RGS21: variants seen among roughly 807,000 people sequenced by gnomAD.
RGS21 encodes regulator of G protein signaling 21.
A neutral mutation model predicts 18.7 loss-of-function variants in RGS21; 19 were observed. The ratio of observed to expected loss-of-function variants is 1.01; its 90% CI spans 0.71 to 1.49. The LOEUF is 1.49. Among genes scored for constraint, RGS21 ranks in the 40% most tolerant of loss-of-function variants. RGS21 has a pLI of 0.00. For missense variants in RGS21, 194 were observed against 176.8 expected (o/e 1.10, Z -0.55); for synonymous variants, 56 against 57.8 (o/e 0.97, Z 0.14).
Position 192,332,808 on chromosome 1 carries a change from G to C in RGS21, c.-60-10169G>C, listed in dbSNP as rs528804665. 1.9e-4 allele frequency among the ~76,000 whole-genome samples: 29 copies of C among 152,212 alleles called. No individual in the cohort carries two copies. In the East Asian group the frequency reaches 5.0e-3, roughly 26 times the overall value. Reference sequence around the variant, plus strand: ...TCACACCTGTAGTCCTAGCTACTCCGGCGGCTGAGGCAGGAAGATGGATTG... The same window carrying C: ...TCACACCTGTAGTCCTAGCTACTCCCGCGGCTGAGGCAGGAAGATGGATTG... On this transcript the variant is annotated intron_variant, in intron 1 of 4. Transcript: ENST00000417209.
At chr1:192,340,353 A>C (rs1362549427) in intron 1 of RGS21, among the ~76,000 whole-genome samples, 1 of 152,154 alleles carries the variant, frequency 6.6e-6, no homozygotes, top group Non-Finnish European at 1.5e-5. Flanking sequence ...CAATTTCACA[A>C]AATAACTTTG....
intron 4 of RGS21, among the ~76,000 whole-genome samples, chr1:192,354,715 A>G (rs1005548088): frequency 6.6e-6 from 1 of 151,706 alleles, no homozygotes; most frequent in African/African-American, 2.4e-5. Flanking sequence ...GACTCTTATA[A>G]AGAATCTAAA....
intron 1 of RGS21, among the ~76,000 whole-genome samples, chr1:192,323,092 A>C (rs1425384844): frequency 6.6e-6 from 1 of 152,142 alleles, no homozygotes; most frequent in Non-Finnish European, 1.5e-5. Context: ...GTGTTTTTAA[A>C]AGAGACTTCA....
At position 192,319,084 on chromosome 1, in the gene RGS21, T is replaced by C. The variant is rs554844634; in HGVS notation, c.-61+1979T>C. 1.6e-3 allele frequency among the ~76,000 whole-genome samples: 237 copies of C among 152,040 alleles called. 1 individual carries two copies. The highest frequency in any genetic ancestry group is 5.5e-3 in the African/African-American group (227 of 41,492). ...CTCTGCACCCCCATCTCTATAAAAA[T>C]AATTTAAAAATTAGCCTGGTGTGGT... On this transcript the variant is annotated intron_variant, in intron 1 of 4. Coordinates refer to ENST00000417209, the MANE Select transcript of RGS21 (RefSeq NM_001039152.3).
rs941638741 is a variant in RGS21 at position 192,338,105 on chromosome 1, G to A, written c.-60-4872G>A. ...CTAAGAACTATACATCCAAATGAGCGTTATATTTCCAAGCAGCCACTTTGG... is the reference window on the plus strand; with the variant it reads ...CTAAGAACTATACATCCAAATGAGCATTATATTTCCAAGCAGCCACTTTGG... On this transcript the variant is annotated intron_variant, in intron 1 of 4. Transcript: ENST00000417209. Among the ~76,000 whole-genome samples the A allele has an allele frequency of 6.6e-5, 10 of 152,062 alleles. No individual in the cohort carries two copies. In the East Asian group the frequency reaches 7.7e-4, roughly 12 times the overall value.
rs1351847856 is a variant in RGS21 at position 192,346,902 on chromosome 1, A to T, written c.12-411A>T. Reference sequence around the variant, plus strand: ...TTTTGAGATGCATAATTATGACATAATCTTTACACTATAAAAATTTAGAAA... The same window carrying T: ...TTTTGAGATGCATAATTATGACATATTCTTTACACTATAAAAATTTAGAAA... On this transcript the variant is annotated intron_variant, in intron 2 of 4. Transcript: ENST00000417209. Among the ~76,000 whole-genome samples, 4 of 152,180 alleles carry T rather than the reference A, an allele frequency of 2.6e-5. No homozygotes were observed. In the East Asian group the frequency reaches 7.7e-4, roughly 29 times the overall value.
chr1:192,357,547 T>C (rs1659128446), intron 4 of RGS21, among the ~76,000 whole-genome samples: 1 of 151,896 alleles, frequency 6.6e-6, no homozygotes, highest in Non-Finnish European at 1.5e-5. Flanking sequence ...ATTACATTCA[T>C]TCACATTTTA....
At position 192,317,117 on chromosome 1, in the gene RGS21, G is replaced by C. The variant is rs1658432033; in HGVS notation, c.-61+12G>C. On this transcript the variant is annotated intron_variant, in intron 1 of 4. Coordinates refer to ENST00000417209, the MANE Select transcript of RGS21 (RefSeq NM_001039152.3). ...TGCATTGCATTTGTGTGAGTATAAA[G>C]AGATTTAAGGTTTATTATATAAATG... 2 of 151,836 alleles carry C rather than the reference G, an allele frequency of 1.3e-5. No homozygotes were observed. The highest frequency in any genetic ancestry group is 3.8e-4 in the East Asian group (2 of 5,202). 9.4% of individuals were successfully genotyped at this position (151,836 alleles called of 1,614,324 possible).
At chr1:192,339,761 G>A (rs1658830044) in intron 1 of RGS21, among the ~76,000 whole-genome samples, 1 of 151,956 alleles carries the variant, frequency 6.6e-6, no homozygotes, top group Admixed American at 6.6e-5. Flanking sequence ...AAAAAACTAT[G>A]TTACTTTTTA....
At chr1:192,337,964 T>G (rs955402377) in intron 1 of RGS21, among the ~76,000 whole-genome samples, 4 of 152,184 alleles carry the variant, frequency 2.6e-5, no homozygotes, top group Non-Finnish European at 5.9e-5. Flanking sequence ...GGCAGATATT[T>G]CTTTGACTAT....
intron 1 of RGS21, among the ~76,000 whole-genome samples, chr1:192,318,240 A>T (rs2102219103): frequency 6.6e-6 from 1 of 152,246 alleles, no homozygotes; most frequent in African/African-American, 2.4e-5. Flanking sequence ...TTAAGGGGAC[A>T]CTATAATTTT....
intron 4 of RGS21, among the ~76,000 whole-genome samples, chr1:192,360,613 A>G (rs1019864276): frequency 6.6e-6 from 1 of 152,070 alleles, no homozygotes; most frequent in Admixed American, 6.6e-5. Flanking sequence ...TTTTTCAAAC[A>G]TGTGGTTACA....
chr1:192,326,765 A>G (rs1464765143), intron 1 of RGS21, among the ~76,000 whole-genome samples: 1 of 152,212 alleles, frequency 6.6e-6, no homozygotes, highest in Non-Finnish European at 1.5e-5. Flanking sequence ...TTCTTCCCAA[A>G]CTTTGGAAGT....
chr1:192,318,600 T>C (rs1049856255), intron 1 of RGS21, among the ~76,000 whole-genome samples: 4 of 152,108 alleles, frequency 2.6e-5, no homozygotes, highest in African/African-American at 7.2e-5. Flanking sequence ...CAGATATCAT[T>C]TACTTCTTAA....
At chr1:192,318,465 G>T (rs1287849157) in intron 1 of RGS21, among the ~76,000 whole-genome samples, 1 of 152,044 alleles carries the variant, frequency 6.6e-6, no homozygotes, top group Non-Finnish European at 1.5e-5. Context: ...AGCAAAATCT[G>T]CCAGAAGTTT....
intron 1 of RGS21, among the ~76,000 whole-genome samples, chr1:192,336,623 G>A (rs1402897378): frequency 6.6e-6 from 1 of 152,020 alleles, no homozygotes; most frequent in African/African-American, 2.4e-5. Context: ...TACATATTAA[G>A]AGAAACCCAT....
chr1:192,357,721 T>C (rs780494327), intron 4 of RGS21, among the ~76,000 whole-genome samples: 3 of 151,972 alleles, frequency 2.0e-5, no homozygotes, highest in Non-Finnish European at 4.4e-5. Flanking sequence ...TTGATGTTTA[T>C]GATAAAAGCA....
At chr1:192,318,564 C>A (rs190486812) in intron 1 of RGS21, among the ~76,000 whole-genome samples, 2 of 152,154 alleles carry the variant, frequency 1.3e-5, no homozygotes, top group East Asian at 3.9e-4. Context: ...GGGAGAATGT[C>A]GTATCTAAAG....
chr1:192,323,783 A>C (rs1658528420), intron 1 of RGS21, among the ~76,000 whole-genome samples: 1 of 152,138 alleles, frequency 6.6e-6, no homozygotes, highest in Admixed American at 6.6e-5. Context: ...GATTACTTAA[A>C]AAGTTATTAA....
Sources: allele counts gnomAD v4.1 joint callset (sites outside exome capture counted in the v4.1 genomes callset), GRCh38; gene constraint gnomAD v4.1.1; transcripts MANE v1.5; gene names NCBI Gene and HGNC (gene_info 2026-07-23, HGNC 2026-07-21).